The following BRAP variants were observed in gnomAD, a reference collection of about 807,000 sequenced individuals.
The protein encoded by BRAP is BRCA1-associated protein.
In BRAP, 42 loss-of-function variants were observed where a neutral mutation model predicts 73.4. That is an observed-to-expected ratio of 0.57 (90% CI 0.45 to 0.74). BRAP has a LOEUF of 0.74. BRAP is among the 30% of genes least tolerant of loss of function. The pLI, the probability that BRAP is intolerant of heterozygous loss-of-function variation, is 0.00. For missense variants in BRAP, 593 were observed against 751.4 expected (o/e 0.79, Z 2.46); for synonymous variants, 255 against 267.4 (o/e 0.95, Z 0.45).
intron 5 of BRAP, among the ~76,000 whole-genome samples, chr12:111,671,851 A>AT (rs1887187422): frequency 6.6e-6 from 1 of 151,592 alleles, no homozygotes; most frequent in South Asian, 2.1e-4. Flanking sequence ...ACACCTGGCT[A>AT]ATTTTTGTAT....
intron 11 of BRAP, among the ~76,000 whole-genome samples, chr12:111,648,081 T>TG (rs1182659483): frequency 1.3e-5 from 2 of 151,806 alleles, no homozygotes; most frequent in African/African-American, 4.8e-5. Flanking sequence ...GGGCGGATCA[T>TG]GAGGTCAAGA....
intron 5 of BRAP, among the ~76,000 whole-genome samples, chr12:111,666,079 T>C (rs1220845151): frequency 6.6e-6 from 1 of 152,230 alleles, no homozygotes; most frequent in African/African-American, 2.4e-5. Context: ...ATCATTACTC[T>C]AAGCAAGTAA....
chr12:111,676,304 C>T (rs1887380364), intron 4 of BRAP, among the ~76,000 whole-genome samples: 1 of 152,186 alleles, frequency 6.6e-6, no homozygotes, highest in Non-Finnish European at 1.5e-5. Context: ...AGTTAGGTGC[C>T]CAGGCTATGG....
At chr12:111,662,464 C>T (rs1322164149) in intron 6 of BRAP, among the ~76,000 whole-genome samples, 2 of 151,892 alleles carry the variant, frequency 1.3e-5, no homozygotes, top group African/African-American at 2.4e-5. Flanking sequence ...GCAGGAGAAT[C>T]GCTTGAACCC....
Position 111,665,527 on chromosome 12 carries a change from C to G in BRAP, c.896+112G>C. 7.0e-7 allele frequency: 1 copy of G among 1,427,500 alleles called. No homozygotes were observed. Among genetic ancestry groups the G allele is most frequent in the Non-Finnish European group, 9.5e-7 (1 of 1,055,556 alleles). The allele number at this position is 1,427,500 out of a possible 1,614,324, so 88.4% of individuals were successfully genotyped here. A position where few individuals can be genotyped will look rare whatever the true frequency, so the allele number is the denominator to read the frequency against. Reference sequence around the variant, plus strand: ...TAGGAAAGGGAAGGAGAAAAAGGACCTCTTGAATAAAGTCAAATACTTGGA... The same window carrying G: ...TAGGAAAGGGAAGGAGAAAAAGGACGTCTTGAATAAAGTCAAATACTTGGA... On this transcript the variant is annotated intron_variant, in intron 6 of 11. Coordinates refer to ENST00000419234, the MANE Select transcript of BRAP (RefSeq NM_006768.5). The surrounding 1 kb of genome is among the most constrained non-coding windows in gnomAD (Gnocchi z 4.3).
At chr12:111,660,479 T>A (rs1474471581) in intron 7 of BRAP, 121 bp downstream of exon 7, 2 of 835,540 alleles carry the variant, frequency 2.4e-6, no homozygotes, top group Non-Finnish European at 1.6e-6. Flanking sequence ...GTAAGCCCTG[T>A]CTCTTAAAAT....
chr12:111,643,874 T>C lies in BRAP; in HGVS notation c.*325A>G, dbSNP rs1885993611. The C allele has an allele frequency of 3.5e-6, 1 of 283,904 alleles. No individual in the cohort carries two copies. The highest frequency in any genetic ancestry group is 2.2e-5 in the African/African-American group (1 of 46,348). The allele number at this position is 283,904 out of a possible 1,614,324, so 17.6% of individuals were successfully genotyped here. A position where few individuals can be genotyped will look rare whatever the true frequency, so the allele number is the denominator to read the frequency against. Reference sequence around the variant, plus strand: ...ATCTTAAACCTACCCCAGAACTGAATGTCAAATACGCCAACTCCATAAATA... The same window carrying C: ...ATCTTAAACCTACCCCAGAACTGAACGTCAAATACGCCAACTCCATAAATA... On this transcript the variant is annotated 3_prime_UTR_variant, in exon 12 of 12. Transcript: ENST00000419234.
At chr12:111,655,508 C>A in intron 10 of BRAP, 58 bp downstream of exon 10, 1 of 1,370,216 alleles carries the variant, frequency 7.3e-7, no homozygotes, top group East Asian at 2.3e-5. Flanking sequence ...TCCACACCCC[C>A]CATCAGAGTG....
At position 111,642,853 on chromosome 12, in the gene BRAP, T is replaced by C. The variant is rs945385348; in HGVS notation, c.*1346A>G. ...ACATCCCACAAAAACAGATGGTGATTAGTGATACAGTTGATGTGCTAACAA... is the reference window on the plus strand; with the variant it reads ...ACATCCCACAAAAACAGATGGTGATCAGTGATACAGTTGATGTGCTAACAA... On this transcript the variant is annotated 3_prime_UTR_variant, in exon 12 of 12. Transcript: ENST00000419234. 2 of 152,186 alleles carry C rather than the reference T, an allele frequency of 1.3e-5. No individual in the cohort carries two copies. Among genetic ancestry groups the C allele is most frequent in the Non-Finnish European group, 2.9e-5 (2 of 68,036 alleles). 9.4% of individuals were successfully genotyped at this position (152,186 alleles called of 1,614,324 possible). A position where few individuals can be genotyped will look rare whatever the true frequency, so the allele number is the denominator to read the frequency against.
chr12:111,681,691 C>T lies in BRAP; in HGVS notation c.389G>A (p.Ser130Asn). 2.5e-6 allele frequency: 4 copies of T among 1,613,632 alleles called. No individual in the cohort carries two copies. The highest frequency in any genetic ancestry group is 1.1e-5 in the South Asian group (1 of 91,066). Reference sequence around the variant, plus strand: ...AACTATTTCAACTGATGGATTTCCACTGAAGAATGAAATCTGGTCTGGAAG... The same window carrying T: ...AACTATTTCAACTGATGGATTTCCATTGAAGAATGAAATCTGGTCTGGAAG... ...KQLPDQISFF[S>N]GNPSVEIVHG... The change falls in exon 3 of 12, where the codon AGT becomes AAT. Residue 130 changes from serine (S) to asparagine (N), a missense_variant. By Grantham distance (46) the Ser-to-Asn change is conservative. Coordinates refer to ENST00000419234, the MANE Select transcript of BRAP (RefSeq NM_006768.5).
At position 111,651,635 on chromosome 12, in the gene BRAP, CTTTTTTTTTT is replaced by C. The variant is rs761275581; in HGVS notation, c.1312-1603_1312-1594del. Among the ~76,000 whole-genome samples the C allele has an allele frequency of 4.0e-5, 5 of 124,984 alleles. No homozygotes were observed. In the South Asian group the frequency reaches 1.1e-3, roughly 27 times the overall value. The allele number at this position is 124,984 out of a possible 152,430, so 82.0% of individuals were successfully genotyped here. On this transcript the variant is annotated intron_variant, in intron 10 of 11. Transcript: ENST00000419234. Reference sequence around the variant, plus strand: ...AGAACATGGAAGAAAGATTTCTTTTCTTTTTTTTTTTTTTTTTTTTGAGACAGAGTCTTGT... The same window carrying C: ...AGAACATGGAAGAAAGATTTCTTTTCTTTTTTTTTTGAGACAGAGTCTTGT...
Position 111,658,919 on chromosome 12 carries a change from ATTT to A in BRAP, c.1112-77_1112-75del, listed in dbSNP as rs932418888. On this transcript the variant is annotated intron_variant, in intron 8 of 11. Coordinates refer to ENST00000419234, the MANE Select transcript of BRAP (RefSeq NM_006768.5). ...TCTGTACACTTTTAACTCTGACAAAATTTTTTTTTCAGATCTAATTTAAATGCC... is the reference window on the plus strand; with the variant it reads ...TCTGTACACTTTTAACTCTGACAAAATTTTTTCAGATCTAATTTAAATGCC... 3 of 1,209,248 alleles carry A rather than the reference ATTT, an allele frequency of 2.5e-6. No individual in the cohort carries two copies. In the Admixed American group the frequency reaches 7.6e-5, roughly 31 times the overall value. 74.9% of individuals were successfully genotyped at this position (1,209,248 alleles called of 1,614,324 possible). A position where few individuals can be genotyped will look rare whatever the true frequency, so the allele number is the denominator to read the frequency against.
At chr12:111,657,841 T>G (rs1010448963) in intron 9 of BRAP, among the ~76,000 whole-genome samples, 1 of 151,892 alleles carries the variant, frequency 6.6e-6, no homozygotes, top group Non-Finnish European at 1.5e-5. Context: ...ACTGCACCAC[T>G]GTACTCTAGC....
At chr12:111,669,963 A>C (rs1887106678) in intron 5 of BRAP, 1 of 636,818 alleles carries the variant, frequency 1.6e-6, no homozygotes, top group African/African-American at 1.8e-5. Flanking sequence ...GGTCCAGCTG[A>C]TGTTGGTGTA....
At chr12:111,659,615 C>G (rs577867421) in intron 7 of BRAP, among the ~76,000 whole-genome samples, 21 of 152,284 alleles carry the variant, frequency 1.4e-4, no homozygotes, top group African/African-American at 3.1e-4. Flanking sequence ...AATCGTGCCA[C>G]TGCACTCCAG....
At chr12:111,678,539 C>A (rs1267737229) in intron 4 of BRAP, among the ~76,000 whole-genome samples, 1 of 151,358 alleles carries the variant, frequency 6.6e-6, no homozygotes, top group African/African-American at 2.4e-5. Flanking sequence ...TGCCTGTAGT[C>A]CCAGCTACTC....
chr12:111,651,221 AGCT>A (rs1886309064), intron 10 of BRAP, among the ~76,000 whole-genome samples: 2 of 136,988 alleles, frequency 1.5e-5, no homozygotes, highest in African/African-American at 6.4e-5. Context: ...TAATAGCACT[AGCT>A]TTAATAATAA....
chr12:111,683,016 T>C, intron 2 of BRAP, 130 bp downstream of exon 2: 1 of 984,946 alleles, frequency 1.0e-6, no homozygotes, highest in Non-Finnish European at 1.5e-6. Flanking sequence ...CAGTGTCATA[T>C]AAAGCACACA....
chr12:111,655,172 C>T (rs936097524), intron 10 of BRAP, among the ~76,000 whole-genome samples: 1 of 152,054 alleles, frequency 6.6e-6, no homozygotes, highest in Non-Finnish European at 1.5e-5. Flanking sequence ...TTATTTCCTT[C>T]CATTTAGAAA....
Sources: gnomAD v4.1 joint callset for allele counts (sites outside exome capture counted in the v4.1 genomes callset) on GRCh38, gnomAD v4.1.1 for gene constraint, Gnocchi (gnomAD v3.1) non-coding constraint, MANE v1.5 for transcripts, NCBI Gene and HGNC (gene_info 2026-07-23, HGNC 2026-07-21) for gene names.